Variants in PPP3CB observed in about 807,000 individuals in gnomAD.
The protein encoded by PPP3CB is serine/threonine-protein phosphatase 2B catalytic subunit beta isoform.
A neutral mutation model predicts 66.4 loss-of-function variants in PPP3CB; 8 were observed. That is an observed-to-expected ratio of 0.12 (90% CI 0.07 to 0.22). The LOEUF (loss-of-function observed/expected upper bound fraction) is 0.22, where lower values mean the gene tolerates loss of function less well. Ranked by LOEUF, PPP3CB falls within the 10% of genes least tolerant of loss-of-function variation. PPP3CB has a pLI of 1.00. For missense variants in PPP3CB, 319 were observed against 642.5 expected, an observed-to-expected ratio of 0.50 and a Z score of 5.44; for synonymous variants, 208 against 221.2, an observed-to-expected ratio of 0.94 and a Z score of 0.53.
At position 73,436,942 on chromosome 10, in the gene PPP3CB, A is replaced by G. The variant is rs1589677654; in HGVS notation, c.*1300T>C. The G allele has an allele frequency of 6.6e-6, 1 of 152,662 alleles. No individual in the cohort carries two copies. The highest frequency in any genetic ancestry group is 1.9e-4 in the East Asian group (1 of 5,202). The allele number at this position is 152,662 out of a possible 1,614,324, so 9.5% of individuals were successfully genotyped here. A position where few individuals can be genotyped will look rare whatever the true frequency, so the allele number is the denominator to read the frequency against. ...CACTTTCTGGCAAACAAAACAATAG[A>G]TGGTTCCGCTGCCTGGAGCTCTGAG... On this transcript the variant is annotated 3_prime_UTR_variant, in exon 14 of 14. Coordinates refer to ENST00000360663, the MANE Select transcript of PPP3CB (RefSeq NM_021132.4).
chr10:73,443,266 G>A (rs145158955), intron 12 of PPP3CB, among the ~76,000 whole-genome samples: 5,275 of 64,418 alleles, frequency 0.082, 303 homozygotes, highest in African/African-American at 0.21. Context: ...GAGAGAGAGA[G>A]AGAAAGAAAG....
intron 3 of PPP3CB, 42 bp from the exon 4 acceptor site, chr10:73,475,072 T>G: frequency 6.3e-7 from 1 of 1,594,526 alleles, no homozygotes; most frequent in Non-Finnish European, 8.5e-7. Flanking sequence ...CTTGTACTTT[T>G]GTTTAATGAA....
At chr10:73,439,953 G>C (rs1336637960) in intron 12 of PPP3CB, 52 bp from the exon 13 acceptor site, 1 of 1,543,222 alleles carries the variant, frequency 6.5e-7, no homozygotes, top group African/African-American at 1.4e-5. Context: ...GATGAGAAGG[G>C]TCATATTGTA....
chr10:73,476,484 G>A (rs925472978), intron 3 of PPP3CB, among the ~76,000 whole-genome samples: 1 of 152,028 alleles, frequency 6.6e-6, no homozygotes, highest in Non-Finnish European at 1.5e-5. Flanking sequence ...GGGAGTGGTG[G>A]TGGGCACCTG....
At chr10:73,445,594 T>A (rs2132779907) in intron 11 of PPP3CB, among the ~76,000 whole-genome samples, 1 of 149,046 alleles carries the variant, frequency 6.7e-6, no homozygotes, top group South Asian at 2.1e-4. Flanking sequence ...CACAGGTGCA[T>A]GCCACCAGGC....
At chr10:73,486,188 C>T (rs1471443538) in intron 1 of PPP3CB, among the ~76,000 whole-genome samples, 4 of 151,918 alleles carry the variant, frequency 2.6e-5, no homozygotes, top group Non-Finnish European at 4.4e-5. Context: ...TCGTGATCCG[C>T]CTGCCTCGGC....
chr10:73,441,896 C>A (rs539259224), intron 12 of PPP3CB, among the ~76,000 whole-genome samples: 50 of 152,150 alleles, frequency 3.3e-4, no homozygotes, highest in African/African-American at 1.2e-3. Context: ...GTTCTTGAAA[C>A]GACAATTTTT....
intron 1 of PPP3CB, among the ~76,000 whole-genome samples, chr10:73,481,172 T>C (rs1278924336): frequency 6.6e-6 from 1 of 150,558 alleles, no homozygotes; most frequent in African/African-American, 2.5e-5. Context: ...TTTCTTTTTT[T>C]TTTTTTTTTT....
chr10:73,481,352 G>C (rs1056076152), intron 1 of PPP3CB, among the ~76,000 whole-genome samples: 1 of 151,214 alleles, frequency 6.6e-6, no homozygotes, highest in African/African-American at 2.4e-5. Context: ...CACACCTGTA[G>C]TCCCAGCTAC....
At chr10:73,469,081 AAATC>A (rs1443655095) in intron 8 of PPP3CB, among the ~76,000 whole-genome samples, 1 of 152,248 alleles carries the variant, frequency 6.6e-6, no homozygotes, top group Non-Finnish European at 1.5e-5. Flanking sequence ...GTGCTAAAAA[AAATC>A]CATCCCTTAA....
At position 73,486,585 on chromosome 10, in the gene PPP3CB, G is replaced by A. The variant is rs534857498; in HGVS notation, c.86-7068C>T. On this transcript the variant is annotated intron_variant, in intron 1 of 13. Transcript: ENST00000360663. ...CTCCCAAAGTGCTGGGATTACAGGCGTGAGCCACCGCGCTTGGCCTCTCTC... is the reference window on the plus strand; with the variant it reads ...CTCCCAAAGTGCTGGGATTACAGGCATGAGCCACCGCGCTTGGCCTCTCTC... 1.6e-4 allele frequency among the ~76,000 whole-genome samples: 25 copies of A among 152,284 alleles called. No homozygotes were observed. The South Asian group carries it at 5.0e-3, about 30-fold the overall frequency.
chr10:73,462,782 T>C (rs147968111), intron 9 of PPP3CB, among the ~76,000 whole-genome samples: 1 of 151,676 alleles, frequency 6.6e-6, no homozygotes, highest in East Asian at 1.9e-4. Context: ...AAACCCTGTC[T>C]CTGCGACAAA....
intron 1 of PPP3CB, among the ~76,000 whole-genome samples, chr10:73,488,092 T>C (rs2057016183): frequency 6.6e-6 from 1 of 152,296 alleles, no homozygotes. Context: ...TCACAAATGA[T>C]AGATAACAGG....
chr10:73,478,180 C>A (rs2056821394), intron 3 of PPP3CB, among the ~76,000 whole-genome samples: 1 of 152,088 alleles, frequency 6.6e-6, no homozygotes, highest in Admixed American at 6.6e-5. Flanking sequence ...TGGTTTAATG[C>A]CTTTAGGGGC....
intron 9 of PPP3CB, among the ~76,000 whole-genome samples, chr10:73,456,481 T>A (rs1042249259): frequency 2.0e-5 from 3 of 152,192 alleles, no homozygotes; most frequent in Non-Finnish European, 4.4e-5. Context: ...AAAAGTGATG[T>A]AGTAGTCATT....
chr10:73,468,347 T>C (rs1462497899), intron 8 of PPP3CB, among the ~76,000 whole-genome samples: 1 of 152,128 alleles, frequency 6.6e-6, no homozygotes, highest in Non-Finnish European at 1.5e-5. Context: ...TTTCAATATG[T>C]TGATATAATT....
At position 73,471,654 on chromosome 10, in the gene PPP3CB, G is replaced by A. The variant is rs759368692; in HGVS notation, c.524-41C>T. The A allele has an allele frequency of 4.1e-6, 6 of 1,480,034 alleles. No individual in the cohort carries two copies. The East Asian group carries it at 1.2e-4, about 28-fold the overall frequency. 91.7% of individuals were successfully genotyped at this position (1,480,034 alleles called of 1,614,324 possible). The stretch of plus-strand genomic sequence containing the variant: ...ACTAATTGAAAATTACATTACTGGT[G>A]GTGGTGTGACCATTTTAAAAACATA... On this transcript the variant is annotated intron_variant, in intron 4 of 13. Transcript: ENST00000360663.
At chr10:73,469,511 C>T (rs2056670780) in intron 8 of PPP3CB, among the ~76,000 whole-genome samples, 1 of 152,194 alleles carries the variant, frequency 6.6e-6, no homozygotes, top group African/African-American at 2.4e-5. Flanking sequence ...CACTGCATTC[C>T]AGCCTGGGCA....
At position 73,436,840 on chromosome 10, in the gene PPP3CB, G is replaced by A. The variant is rs564008262; in HGVS notation, c.*1402C>T. The A allele has an allele frequency of 6.6e-5, 10 of 152,336 alleles. 1 individual carries two copies. The highest frequency in any genetic ancestry group is 6.5e-4 in the Admixed American group (10 of 15,300). 9.4% of individuals were successfully genotyped at this position (152,336 alleles called of 1,614,324 possible). A position where few individuals can be genotyped will look rare whatever the true frequency, so the allele number is the denominator to read the frequency against. On this transcript the variant is annotated 3_prime_UTR_variant, in exon 14 of 14. Coordinates refer to ENST00000360663, the MANE Select transcript of PPP3CB (RefSeq NM_021132.4). ...GGCCCATGCATGGAATTTATTGTGT[G>A]CTACTGTTTATAAAATACTCGAATA...
Sources: allele counts gnomAD v4.1 joint callset (sites outside exome capture counted in the v4.1 genomes callset), GRCh38; gene constraint gnomAD v4.1.1; transcripts MANE v1.5; gene names NCBI Gene and HGNC (gene_info 2026-07-23, HGNC 2026-07-21).